The following ARSK variants were observed in gnomAD, a reference collection of about 807,000 sequenced individuals.
ARSK encodes arylsulfatase family member K.
ARSK carries 37 observed loss-of-function variants against 53.2 expected under a neutral mutation model. The ratio of observed to expected loss-of-function variants is 0.70; its 90% CI spans 0.54 to 0.92. The LOEUF (loss-of-function observed/expected upper bound fraction) is 0.92, where lower values mean the gene tolerates loss of function less well. ARSK is among the 40% of genes least tolerant of loss of function. ARSK has a pLI of 0.00. For missense variants in ARSK, 613 were observed against 643.0 expected, an observed-to-expected ratio of 0.95 and a Z score of 0.51; for synonymous variants, 208 against 223.2, an observed-to-expected ratio of 0.93 and a Z score of 0.61.
At chr5:95,588,886 C>T (rs1045382805) in intron 5 of ARSK, among the ~76,000 whole-genome samples, 3 of 151,994 alleles carry the variant, frequency 2.0e-5, no homozygotes, top group South Asian at 2.1e-4. Context: ...CACTTGAACC[C>T]GGGAGGCGGA....
intron 3 of ARSK, among the ~76,000 whole-genome samples, chr5:95,574,327 T>C (rs1233296347): frequency 6.6e-6 from 1 of 152,232 alleles, no homozygotes; most frequent in Non-Finnish European, 1.5e-5. Context: ...CAGATATCTC[T>C]TTGATATACA....
At chr5:95,594,905 T>G (rs1749279947) in intron 6 of ARSK, among the ~76,000 whole-genome samples, 1 of 152,140 alleles carries the variant, frequency 6.6e-6, no homozygotes, top group Non-Finnish European at 1.5e-5. Context: ...TATAAACTGA[T>G]ACAAATGTTT....
chr5:95,590,543 A>G (rs943259324), intron 5 of ARSK, among the ~76,000 whole-genome samples: 4 of 152,172 alleles, frequency 2.6e-5, no homozygotes, highest in African/African-American at 9.7e-5. Flanking sequence ...TTAGTAAGTA[A>G]TTCCAGTTGT....
At position 95,591,302 on chromosome 5, in the gene ARSK, G is replaced by A. The variant is rs367573776; in HGVS notation, c.872-99G>A. 1.2e-5 allele frequency: 12 copies of A among 995,008 alleles called. No individual in the cohort carries two copies. In the East Asian group the frequency reaches 1.5e-4, roughly 12 times the overall value. The allele number at this position is 995,008 out of a possible 1,614,324, so 61.6% of individuals were successfully genotyped here. ...TAATATTCAGATGTTAAGAAGCATA[G>A]TGACAAACTCTTATAGGGTAGAGTG... is the stretch of plus-strand genomic sequence containing the variant. On this transcript the variant is annotated intron_variant, in intron 5 of 7. Transcript: ENST00000380009.
At chr5:95,580,788 G>T in intron 3 of ARSK, 1 of 464,832 alleles carries the variant, frequency 2.2e-6, no homozygotes, top group Non-Finnish European at 3.5e-6. Flanking sequence ...AGTGCTAAAT[G>T]ATTTTAAAGT....
chr5:95,580,943 G>C (rs1428285209), intron 3 of ARSK: 4 of 1,285,034 alleles, frequency 3.1e-6, no homozygotes, highest in Non-Finnish European at 4.1e-6. Context: ...TTTGAGAAAG[G>C]TAAAAATACC....
chr5:95,574,993 CT>C (rs1466234552), intron 3 of ARSK, among the ~76,000 whole-genome samples: 1 of 152,130 alleles, frequency 6.6e-6, no homozygotes, highest in Non-Finnish European at 1.5e-5. Flanking sequence ...AGATTTAAGT[CT>C]TTAATCCATT....
chr5:95,559,526 A>G (rs1478059925), intron 1 of ARSK, among the ~76,000 whole-genome samples: 1 of 152,242 alleles, frequency 6.6e-6, no homozygotes, highest in African/African-American at 2.4e-5. Flanking sequence ...ACCATTACCA[A>G]GTGGAATTTG....
intron 1 of ARSK, among the ~76,000 whole-genome samples, chr5:95,561,909 C>G (rs1467228484): frequency 6.6e-6 from 1 of 152,002 alleles, no homozygotes; most frequent in Non-Finnish European, 1.5e-5. Flanking sequence ...CTTAATAAAC[C>G]CATTTTTAAA....
intron 3 of ARSK, among the ~76,000 whole-genome samples, chr5:95,571,345 C>T (rs1420347676): frequency 6.6e-6 from 1 of 152,168 alleles, no homozygotes; most frequent in African/African-American, 2.4e-5. Flanking sequence ...ATCTCTTCTT[C>T]TCTGCTTTAT....
chr5:95,558,067 A>T (rs1748556653), intron 1 of ARSK, among the ~76,000 whole-genome samples: 1 of 152,156 alleles, frequency 6.6e-6, no homozygotes, highest in African/African-American at 2.4e-5. Flanking sequence ...GCTCCCAATC[A>T]CCAGTTATGG....
At chr5:95,561,649 C>A (rs1264729150) in intron 1 of ARSK, among the ~76,000 whole-genome samples, 1 of 152,132 alleles carries the variant, frequency 6.6e-6, no homozygotes, top group Non-Finnish European at 1.5e-5. Flanking sequence ...TCAAAAAGGA[C>A]CACATATTGT....
chr5:95,594,280 C>T (rs982379601), intron 6 of ARSK, among the ~76,000 whole-genome samples: 1 of 152,056 alleles, frequency 6.6e-6, no homozygotes, highest in Non-Finnish European at 1.5e-5. Flanking sequence ...CATTGTAACA[C>T]AATTATTTAC....
At chr5:95,564,351 A>G (rs1748691165) in intron 1 of ARSK, among the ~76,000 whole-genome samples, 1 of 152,110 alleles carries the variant, frequency 6.6e-6, no homozygotes, top group South Asian at 2.1e-4. Flanking sequence ...GCATTCAATG[A>G]TTACTCTTGC....
intron 2 of ARSK, among the ~76,000 whole-genome samples, chr5:95,567,654 T>A (rs1415376378): frequency 1.3e-5 from 2 of 152,204 alleles, no homozygotes; most frequent in Non-Finnish European, 2.9e-5. Flanking sequence ...TTAAGTAACT[T>A]AAGCACTAAG....
intron 5 of ARSK, among the ~76,000 whole-genome samples, chr5:95,588,346 C>G (rs1303828456): frequency 6.6e-6 from 1 of 151,224 alleles, no homozygotes; most frequent in African/African-American, 2.4e-5. Flanking sequence ...AAGCGATTCT[C>G]CTGCCTCAGC....
At chr5:95,556,077 A>T in intron 1 of ARSK, 1 of 628,056 alleles carries the variant, frequency 1.6e-6, no homozygotes, top group Non-Finnish European at 2.9e-6. Flanking sequence ...TGCTTAGACA[A>T]TTGTTTGGTT....
intron 3 of ARSK, among the ~76,000 whole-genome samples, chr5:95,573,024 A>C (rs1330727684): frequency 6.6e-6 from 1 of 152,214 alleles, no homozygotes; most frequent in East Asian, 1.9e-4. Context: ...TCTATAATGC[A>C]GAAAACAGCC....
intron 4 of ARSK, among the ~76,000 whole-genome samples, chr5:95,584,209 T>C (rs1749069794): frequency 6.6e-6 from 1 of 152,248 alleles, no homozygotes; most frequent in South Asian, 2.1e-4. Flanking sequence ...AAGTACATGC[T>C]TTGTTGTCTG....
Sources: gnomAD v4.1 joint callset for allele counts (sites outside exome capture counted in the v4.1 genomes callset) on GRCh38, gnomAD v4.1.1 for gene constraint, MANE v1.5 for transcripts, NCBI Gene and HGNC (gene_info 2026-07-23, HGNC 2026-07-21) for gene names.